MEIS2: variants seen among roughly 807,000 people sequenced by gnomAD.
MEIS2 encodes Meis homeobox 2.
MEIS2 carries 9 observed loss-of-function variants against 58.6 expected under a neutral mutation model. The observed-to-expected ratio is 0.15, with a 90% confidence interval of 0.09 to 0.27. The LOEUF is 0.27. Ranked by LOEUF, MEIS2 falls within the 10% of genes least tolerant of loss-of-function variation. The probability of loss-of-function intolerance (pLI) is 1.00; values close to 1 mark genes in which losing one functional copy is unlikely to be tolerated. For synonymous variants in MEIS2, 221 were observed against 228.4 expected (o/e 0.97, Z 0.29); for missense variants, 427 against 635.0 (o/e 0.67, Z 3.52).
intron 7 of MEIS2, among the ~76,000 whole-genome samples, chr15:37,068,294 C>G (rs921486536): frequency 2.0e-5 from 3 of 152,138 alleles, no homozygotes; most frequent in African/African-American, 7.2e-5. Context: ...GGAGGAATCT[C>G]AAGCCATGAC....
chr15:36,900,202 A>G (rs2056395679), intron 9 of MEIS2, among the ~76,000 whole-genome samples: 2 of 152,344 alleles, frequency 1.3e-5, no homozygotes, highest in South Asian at 2.1e-4. Context: ...TTTTTTTACA[A>G]CTTGTCCATA....
intron 9 of MEIS2, among the ~76,000 whole-genome samples, chr15:36,943,294 A>T (rs981551771): frequency 2.0e-5 from 3 of 152,168 alleles, no homozygotes; most frequent in Admixed American, 1.3e-4. Context: ...TAAAGGACTT[A>T]TTTGAGCAAA....
chr15:36,956,887 T>TAAAAAAAA (rs61478606), intron 8 of MEIS2, among the ~76,000 whole-genome samples: 2 of 112,010 alleles, frequency 1.8e-5, no homozygotes, highest in African/African-American at 3.4e-5. Context: ...AAATGATTGT[T>TAAAAAAAA]AAAAAAAAAA....
At chr15:37,078,230 C>T (rs1200963365) in intron 7 of MEIS2, among the ~76,000 whole-genome samples, 1 of 151,890 alleles carries the variant, frequency 6.6e-6, no homozygotes, top group Admixed American at 6.6e-5. Context: ...ACAGAGAAAC[C>T]CTTGTAGCCC....
intron 8 of MEIS2, among the ~76,000 whole-genome samples, chr15:36,967,461 GA>G (rs1459279344): frequency 2.6e-5 from 4 of 152,166 alleles, no homozygotes; most frequent in Non-Finnish European, 5.9e-5. Context: ...TGATTTGGAA[GA>G]AAGTCTTTAA....
chr15:37,068,227 T>C (rs927472209), intron 7 of MEIS2, among the ~76,000 whole-genome samples: 5 of 152,174 alleles, frequency 3.3e-5, no homozygotes, highest in Admixed American at 2.6e-4. Flanking sequence ...CATTTGAGTT[T>C]TGAATTATAA....
At chr15:36,912,315 A>C (rs1437427073) in intron 9 of MEIS2, among the ~76,000 whole-genome samples, 1 of 152,218 alleles carries the variant, frequency 6.6e-6, no homozygotes, top group Non-Finnish European at 1.5e-5. Context: ...CCTATCTCTT[A>C]TCTACTCCCC....
intron 8 of MEIS2, among the ~76,000 whole-genome samples, chr15:37,006,854 TC>T (rs1265742257): frequency 3.9e-5 from 6 of 152,230 alleles, no homozygotes; most frequent in African/African-American, 1.4e-4. Context: ...ATGTACTCTT[TC>T]CAGGCCAGAC....
At chr15:37,047,541 T>C (rs752782226) in intron 7 of MEIS2, among the ~76,000 whole-genome samples, 1 of 152,196 alleles carries the variant, frequency 6.6e-6, no homozygotes, top group Admixed American at 6.5e-5. Flanking sequence ...CTGGTAAATG[T>C]TATAATTAGG....
intron 1 of MEIS2, chr15:37,099,022 G>A: frequency 1.0e-6 from 1 of 983,214 alleles, no homozygotes. Context: ...CCCAGCGGCG[G>A]CCCCGGCGGC....
intron 8 of MEIS2, among the ~76,000 whole-genome samples, chr15:37,026,078 A>G (rs1003922734): frequency 2.0e-5 from 3 of 152,196 alleles, no homozygotes; most frequent in Admixed American, 6.5e-5. Flanking sequence ...GAAGGGTTTA[A>G]AACAAGTATA....
At chr15:36,911,967 A>G (rs2057048528) in intron 9 of MEIS2, among the ~76,000 whole-genome samples, 1 of 152,238 alleles carries the variant, frequency 6.6e-6, no homozygotes, top group Non-Finnish European at 1.5e-5. Context: ...TAAGCAGTAC[A>G]GGACTCGTTC....
intron 9 of MEIS2, among the ~76,000 whole-genome samples, chr15:36,935,817 G>A (rs2058147180): frequency 6.6e-6 from 1 of 151,476 alleles, no homozygotes; most frequent in Admixed American, 6.6e-5. Context: ...TAAAATTAGA[G>A]TTTTAGGTTC....
intron 9 of MEIS2, among the ~76,000 whole-genome samples, chr15:36,926,817 C>T (rs868285397): frequency 7.9e-5 from 12 of 152,262 alleles, no homozygotes; most frequent in South Asian, 2.1e-4. Flanking sequence ...ACATTGCATG[C>T]GTGCACACAC....
chr15:36,932,246 G>A (rs2058009752), intron 9 of MEIS2, among the ~76,000 whole-genome samples: 1 of 152,138 alleles, frequency 6.6e-6, no homozygotes, highest in African/African-American at 2.4e-5. Context: ...ACATTGATAA[G>A]AGATGCCGAG....
intron 8 of MEIS2, among the ~76,000 whole-genome samples, chr15:36,994,548 T>C (rs1720151374): frequency 6.6e-6 from 1 of 152,210 alleles, no homozygotes; most frequent in Non-Finnish European, 1.5e-5. Context: ...TGTTTTTTAC[T>C]CCAATTTAAA....
intron 7 of MEIS2, among the ~76,000 whole-genome samples, chr15:37,056,610 G>T (rs886668183): frequency 3.3e-5 from 5 of 152,214 alleles, no homozygotes; most frequent in African/African-American, 1.2e-4. Flanking sequence ...AAAGCGAGCA[G>T]AACTGATTAC....
chr15:36,983,380 C>T (rs1211290305), intron 8 of MEIS2, among the ~76,000 whole-genome samples: 2 of 152,042 alleles, frequency 1.3e-5, no homozygotes, highest in Non-Finnish European at 2.9e-5. Context: ...TCAGTTTTTG[C>T]AACACCATTT....
chr15:37,090,847 G>A (rs973137323), intron 6 of MEIS2, among the ~76,000 whole-genome samples: 3 of 152,098 alleles, frequency 2.0e-5, no homozygotes, highest in Admixed American at 6.6e-5. Context: ...TAGCCAATAA[G>A]TTGAAATGCT....
Sources: allele counts gnomAD v4.1 joint callset (sites outside exome capture counted in the v4.1 genomes callset), GRCh38; gene constraint gnomAD v4.1.1; transcripts MANE v1.5; gene names NCBI Gene and HGNC (gene_info 2026-07-23, HGNC 2026-07-21).